Variants in NFATC3 observed in about 807,000 individuals in gnomAD.
The protein encoded by NFATC3 is nuclear factor of activated T-cells, cytoplasmic 3.
Under a neutral mutation model 98.6 loss-of-function variants are expected in NFATC3, and 46 were observed. The observed-to-expected ratio is 0.47, with a 90% CI of 0.37 to 0.60. The LOEUF (loss-of-function observed/expected upper bound fraction) is 0.60, where lower values mean the gene tolerates loss of function less well. Ranked by LOEUF, NFATC3 falls within the 20% of genes least tolerant of loss-of-function variation. NFATC3 has a pLI of 0.00. For synonymous variants in NFATC3, 512 were observed against 472.2 expected (o/e 1.08, Z -1.09); for missense variants, 1,256 against 1,295.5 (o/e 0.97, Z 0.47).
rs150159985 is a variant in NFATC3 at position 68,158,038 on chromosome 16, C to T, written c.1571C>T (p.Pro524Leu). 47 of 1,612,798 alleles carry T rather than the reference C, an allele frequency of 2.9e-5. No individual in the cohort carries two copies. The African/African-American group carries it at 5.2e-4, about 18-fold the overall frequency. Reference protein sequence around the residue: ...IIASTKVLEIPLLPENNMSAS... With the variant: ...IIASTKVLEILLLPENNMSAS... ...GCCAGTACAAAAGTTCTGGAAATTC[C>T]ACTTCTTCCTGAAAATAATATGTCA... Residue 524 changes from proline (P) to leucine (L), a missense_variant, in exon 4 of 10, where the codon CCA (proline) becomes CTA (leucine). Around this residue, in one of 3 missense-constraint regions of NFATC3, gnomAD observed 156 missense variants for 212.4 expected, o/e 0.73. Coordinates refer to ENST00000346183, the MANE Select transcript of NFATC3 (RefSeq NM_173165.3).
Position 68,126,861 on chromosome 16 carries a change from G to A in NFATC3, c.1401+251G>A, listed in dbSNP as rs368266211. On this transcript the variant is annotated intron_variant, in intron 3 of 9. Transcript: ENST00000346183. The stretch of plus-strand genomic sequence containing the variant: ...GAAAGATTACAGTGGCCAAATAGCC[G>A]TTTTTCTGACAAACAAATATGGCCG... 1.7e-3 allele frequency among the ~76,000 whole-genome samples: 261 copies of A among 152,184 alleles called. 2 individuals carry two copies. Among genetic ancestry groups the A allele is most frequent in the African/African-American group, 5.2e-3 (217 of 41,512 alleles).
At chr16:68,163,463 T>G (rs1436881441) in intron 4 of NFATC3, among the ~76,000 whole-genome samples, 1 of 148,916 alleles carries the variant, frequency 6.7e-6, no homozygotes, top group African/African-American at 2.5e-5. Flanking sequence ...GCCCCTCACC[T>G]CCCGGGCGGG....
At chr16:68,143,883 A>G (rs981410220) in intron 3 of NFATC3, among the ~76,000 whole-genome samples, 1 of 152,216 alleles carries the variant, frequency 6.6e-6, no homozygotes, top group African/African-American at 2.4e-5. Context: ...AATAAAGCAT[A>G]AAAGTATAAA....
intron 9 of NFATC3, among the ~76,000 whole-genome samples, chr16:68,204,017 G>A (rs766854424): frequency 5.9e-5 from 9 of 151,918 alleles, no homozygotes; most frequent in Non-Finnish European, 1.3e-4. Flanking sequence ...GTGAAACCCC[G>A]TCTCTACTGA....
intron 8 of NFATC3, among the ~76,000 whole-genome samples, chr16:68,184,783 A>C (rs191996617): frequency 0.12 from 17,998 of 151,594 alleles, 1,198 homozygotes; most frequent in South Asian, 0.2. Flanking sequence ...CAGCCTGGGC[A>C]ACAGAGCGAG....
At chr16:68,098,995 T>C (rs1393187880) in intron 1 of NFATC3, among the ~76,000 whole-genome samples, 2 of 152,246 alleles carry the variant, frequency 1.3e-5, no homozygotes, top group Admixed American at 1.3e-4. Context: ...AGTACAATAT[T>C]GAGACCAGGA....
At chr16:68,176,423 G>T (rs1422888480) in intron 6 of NFATC3, among the ~76,000 whole-genome samples, 1 of 150,706 alleles carries the variant, frequency 6.6e-6, no homozygotes, top group Non-Finnish European at 1.5e-5. Flanking sequence ...ATTTTCAGAG[G>T]TCTTAATGTT....
chr16:68,094,355 A>C (rs1293651393), intron 1 of NFATC3, among the ~76,000 whole-genome samples: 1 of 152,044 alleles, frequency 6.6e-6, no homozygotes, highest in Non-Finnish European at 1.5e-5. Flanking sequence ...AAAATTCAGA[A>C]TTTTAAAAAT....
intron 1 of NFATC3, among the ~76,000 whole-genome samples, chr16:68,110,612 C>A (rs563190546): frequency 2.7e-5 from 4 of 147,718 alleles, no homozygotes; most frequent in Non-Finnish European, 4.5e-5. Context: ...CCGCGCCCAG[C>A]CTGATTTTTT....
At chr16:68,152,235 T>G (rs1436790218) in intron 3 of NFATC3, among the ~76,000 whole-genome samples, 2 of 148,192 alleles carry the variant, frequency 1.3e-5, no homozygotes, top group Non-Finnish European at 3.0e-5. Context: ...AAAAATTAGC[T>G]GGGCATGGTA....
intron 2 of NFATC3, among the ~76,000 whole-genome samples, chr16:68,123,490 G>A (rs1367605375): frequency 7.6e-6 from 1 of 132,390 alleles, no homozygotes; most frequent in Non-Finnish European, 1.6e-5. Context: ...GCAAGATCCT[G>A]TCTCTACAAA....
At chr16:68,190,637 A>G in intron 8 of NFATC3, 131 bp from the exon 9 acceptor site, 1 of 806,048 alleles carries the variant, frequency 1.2e-6, no homozygotes, top group Non-Finnish European at 1.9e-6. Context: ...GATATTTTAT[A>G]TGAACTGCCT....
chr16:68,124,437 T>C (rs982792945), intron 2 of NFATC3, among the ~76,000 whole-genome samples: 2 of 150,226 alleles, frequency 1.3e-5, no homozygotes, highest in East Asian at 2.0e-4. Flanking sequence ...CTTTCTTTTT[T>C]TTTTTTTTTT....
chr16:68,204,744 A>G (rs1420965250), intron 9 of NFATC3, among the ~76,000 whole-genome samples: 1 of 152,234 alleles, frequency 6.6e-6, no homozygotes, highest in Non-Finnish European at 1.5e-5. Flanking sequence ...TTAAAGATGT[A>G]TTCTATTTTA....
In NFATC3 at chr16:68,111,099, T is replaced by C. The variant is rs987929912; in HGVS notation, c.104-10888T>C. 2.6e-5 allele frequency among the ~76,000 whole-genome samples: 4 copies of C among 152,244 alleles called. No individual in the cohort carries two copies. The South Asian group carries it at 8.3e-4, about 31-fold the overall frequency. On this transcript the variant is annotated intron_variant, in intron 1 of 9. Transcript: ENST00000346183. ...GTGATCGAATCTAGAGTAAGTGCCA[T>C]GTGGCACTGAGAAGAATGTATATTC...
At chr16:68,189,548 C>T (rs1399941206) in intron 8 of NFATC3, 1 of 152,406 alleles carries the variant, frequency 6.6e-6, no homozygotes. Flanking sequence ...CTGAAGATCA[C>T]TTTATATGAC....
intron 3 of NFATC3, among the ~76,000 whole-genome samples, chr16:68,136,409 C>T (rs2037413442): frequency 6.6e-6 from 1 of 152,104 alleles, no homozygotes; most frequent in South Asian, 2.1e-4. Flanking sequence ...GCTGGGACTA[C>T]AGGGGCAAAC....
chr16:68,163,349 G>A (rs1360556720), intron 4 of NFATC3, among the ~76,000 whole-genome samples: 3 of 145,508 alleles, frequency 2.1e-5, no homozygotes, highest in Non-Finnish European at 3.0e-5. Context: ...CGGGCGGGGC[G>A]GCTGGCTGGG....
chr16:68,164,979 A>C (rs964408392), intron 4 of NFATC3, among the ~76,000 whole-genome samples: 4 of 152,104 alleles, frequency 2.6e-5, no homozygotes, highest in Non-Finnish European at 5.9e-5. Context: ...TTCTTGTTTT[A>C]TTTTGCTTGC....
Sources: allele counts gnomAD v4.1 joint callset (sites outside exome capture counted in the v4.1 genomes callset), GRCh38; gene constraint gnomAD v4.1.1; regional missense constraint gnomAD v4.1.1; transcripts MANE v1.5; gene names NCBI Gene and HGNC (gene_info 2026-07-23, HGNC 2026-07-21).